The following PCLAF variants were observed in gnomAD, a reference collection of about 807,000 sequenced individuals.
PCLAF encodes PCNA clamp associated factor.
PCLAF carries 12 observed loss-of-function variants against 15.1 expected under a neutral mutation model. The observed-to-expected ratio is 0.79, with a 90% confidence interval of 0.51 to 1.29. The LOEUF (loss-of-function observed/expected upper bound fraction) is 1.29. Ranked by LOEUF, PCLAF falls within the 50% of genes most tolerant of loss-of-function variation. PCLAF has a pLI of 0.00. For synonymous variants in PCLAF, 33 were observed against 47.1 expected, an observed-to-expected ratio of 0.70 and a Z score of 1.22; for missense variants, 116 against 130.9, an observed-to-expected ratio of 0.89 and a Z score of 0.56.
At chr15:64,381,565 G>A (rs1057036622), upstream of PCLAF, 1 of 1,435,252 alleles carries the variant, frequency 7.0e-7, no homozygotes, top group Non-Finnish European at 9.2e-7. Flanking sequence ...AATGCCCAGT[G>A]GTGACAGCGG....
chr15:64,384,952 T>C (rs900605985), upstream of PCLAF, among the ~76,000 whole-genome samples: 1 of 151,996 alleles, frequency 6.6e-6, no homozygotes, highest in South Asian at 2.1e-4. Flanking sequence ...CAGGCTAGAG[T>C]GCAGTGGTGT....
rs1178106303 is a variant in PCLAF, at chr15:64,381,038, A to G, written c.47T>C (p.Val16Ala). ...CTTTCTGGGGGCTCGAGCAGCCACC[A>G]CTGTGAAGAGAGGCAAAAAAGGGTG... ...ADSVPGTYRK[V>A]VAARAPRKVL... is the part of the protein sequence containing the mutation. The change falls in exon 2 of 4, where the codon GTG becomes GCG. Residue 16 changes from valine to alanine, a missense_variant and splice_region_variant. By Grantham distance (64) the Val-to-Ala change is moderately conservative. Transcript: ENST00000300035. The G allele has an allele frequency of 5.0e-6, 8 of 1,613,982 alleles. No individual in the cohort carries two copies. Among genetic ancestry groups the G allele is most frequent in the Admixed American group, 1.7e-5 (1 of 59,986 alleles).
intron 2 of PCLAF, among the ~76,000 whole-genome samples, chr15:64,378,615 G>C (rs77887676): frequency 0.015 from 2,338 of 152,166 alleles, 55 homozygotes; most frequent in African/African-American, 0.047. Flanking sequence ...TTTACTACTA[G>C]AAAACATACA....
At chr15:64,369,718 TTTTTGTAA>T (rs1341691649) in intron 3 of PCLAF, among the ~76,000 whole-genome samples, 3 of 152,174 alleles carry the variant, frequency 2.0e-5, no homozygotes, top group Admixed American at 6.6e-5. Context: ...ACCTGGCTAA[TTTTTGTAA>T]TGAATAATTC....
chr15:64,384,346 C>T (rs190000220), upstream of PCLAF, among the ~76,000 whole-genome samples: 31 of 151,876 alleles, frequency 2.0e-4, no homozygotes, highest in African/African-American at 6.5e-4. Flanking sequence ...GCTGGCCAGG[C>T]TGGTCTTGAA....
At chr15:64,369,535 A>T (rs1198615661) in intron 3 of PCLAF, among the ~76,000 whole-genome samples, 1 of 152,074 alleles carries the variant, frequency 6.6e-6, no homozygotes, top group African/African-American at 2.4e-5. Context: ...TATTTACTAA[A>T]TGAGCTTATG....
In PCLAF at chr15:64,365,652, G is replaced by A. The variant is rs1804047; in HGVS notation, c.*378C>T. The A allele has an allele frequency of 5.4e-6, 1 of 185,302 alleles. No homozygotes were observed. Among genetic ancestry groups the A allele is most frequent in the Non-Finnish European group, 1.1e-5 (1 of 90,234 alleles). 11.5% of individuals were successfully genotyped at this position (185,302 alleles called of 1,614,324 possible). ...CTCTGCTTTTTAAAGCAAGTAGAAG[G>A]AGTGACAATATGGCACCATTCCAAT... On this transcript the variant is annotated 3_prime_UTR_variant, in exon 4 of 4. Coordinates refer to ENST00000300035, the MANE Select transcript of PCLAF (RefSeq NM_014736.6).
At chr15:64,386,128 G>A (rs1320124561), upstream of PCLAF, among the ~76,000 whole-genome samples, 2 of 151,892 alleles carry the variant, frequency 1.3e-5, no homozygotes, top group Admixed American at 6.6e-5. Flanking sequence ...ACAGGTAAAT[G>A]ACTTTGATAC....
intron 2 of PCLAF, among the ~76,000 whole-genome samples, chr15:64,379,765 G>T (rs1266100462): frequency 6.6e-6 from 1 of 152,014 alleles, no homozygotes; most frequent in Admixed American, 6.6e-5. Context: ...CAGATGGCAG[G>T]GCATTTTCTC....
At chr15:64,378,778 G>A (rs1899718723) in intron 2 of PCLAF, among the ~76,000 whole-genome samples, 2 of 152,114 alleles carry the variant, frequency 1.3e-5, no homozygotes, top group Admixed American at 1.3e-4. Context: ...AGGCATGGTG[G>A]CGCATGCCTG....
intron 3 of PCLAF, chr15:64,373,110 A>G (rs1899416369): frequency 6.6e-6 from 1 of 152,264 alleles, no homozygotes; most frequent in South Asian, 2.1e-4. Context: ...AGTTTCTTCC[A>G]ATGCACATAT....
chr15:64,380,630 A>G (rs1054778717), intron 2 of PCLAF, among the ~76,000 whole-genome samples: 11 of 152,048 alleles, frequency 7.2e-5, no homozygotes, highest in African/African-American at 2.7e-4. Flanking sequence ...CTTAAGCCCC[A>G]TAAGTGGAGG....
intron 2 of PCLAF, among the ~76,000 whole-genome samples, chr15:64,377,637 T>C (rs1365319096): frequency 1.4e-5 from 2 of 145,954 alleles, no homozygotes; most frequent in African/African-American, 2.5e-5. Flanking sequence ...ACTAAGGTCA[T>C]TTAGTTAAAG....
At chr15:64,366,616 T>C (rs1487318484) in intron 3 of PCLAF, among the ~76,000 whole-genome samples, 1 of 151,958 alleles carries the variant, frequency 6.6e-6, no homozygotes, top group Non-Finnish European at 1.5e-5. Context: ...GGCAGGAGGA[T>C]TGCTTGAGCC....
Position 64,380,976 on chromosome 15 carries a change from A to T in PCLAF, c.109T>A (p.Ser37Thr). The stretch of plus-strand genomic sequence containing the variant: ...TTCTTACCTTTCCTCGATGAAACTG[A>T]TGTCGAATTAGTGGCAGAGGTGGAA... ...GSSTSATNSTSVSSRKAENKY... is the reference protein window; with the variant it reads ...GSSTSATNSTTVSSRKAENKY... Residue 37 changes from serine to threonine, a missense_variant, in exon 2 of 4, where the codon TCA becomes ACA. Physicochemically the swap from Ser to Thr is moderately conservative, Grantham distance 58. Transcript: ENST00000300035. The T allele has an allele frequency of 1.9e-6, 3 of 1,613,976 alleles. No homozygotes were observed. Among genetic ancestry groups the T allele is most frequent in the Non-Finnish European group, 2.5e-6 (3 of 1,179,982 alleles).
intron 1 of PCLAF, among the ~76,000 whole-genome samples, chr15:64,386,916 A>G (rs1899954225): frequency 6.6e-6 from 1 of 152,194 alleles, no homozygotes; most frequent in South Asian, 2.1e-4. Context: ...TATGATCTCC[A>G]GAAAAGTTTG....
upstream of PCLAF, among the ~76,000 whole-genome samples, chr15:64,386,013 C>T (rs1031045321): frequency 2.6e-5 from 4 of 152,050 alleles, no homozygotes; most frequent in Non-Finnish European, 5.9e-5. Flanking sequence ...TTTCCTGAGC[C>T]AATTCCCTAA....
At chr15:64,370,226 G>A (rs573017068) in intron 3 of PCLAF, among the ~76,000 whole-genome samples, 4 of 150,918 alleles carry the variant, frequency 2.7e-5, no homozygotes, top group East Asian at 2.0e-4. Context: ...ACAGGTGTGC[G>A]CCACCATGCC....
At chr15:64,366,805 T>C (rs539049031) in intron 3 of PCLAF, among the ~76,000 whole-genome samples, 1 of 152,048 alleles carries the variant, frequency 6.6e-6, no homozygotes, top group South Asian at 2.1e-4. Flanking sequence ...AAAACCCATC[T>C]CTACTAAAAA....
Sources: allele counts gnomAD v4.1 joint callset (sites outside exome capture counted in the v4.1 genomes callset), GRCh38; gene constraint gnomAD v4.1.1; transcripts MANE v1.5; gene names NCBI Gene and HGNC (gene_info 2026-07-23, HGNC 2026-07-21).